DCDC1: variants seen among roughly 807,000 people sequenced by gnomAD.
DCDC1 encodes doublecortin domain-containing protein 1.
Under a neutral mutation model 178.3 loss-of-function variants are expected in DCDC1, and 200 were observed. That is an observed-to-expected ratio of 1.12 (90% CI 1.00 to 1.26). DCDC1 has a LOEUF of 1.26. DCDC1 is among the 50% of genes most tolerant of loss of function. DCDC1 has a pLI of 0.00. For synonymous variants in DCDC1, 690 were observed against 604.8 expected (o/e 1.14, Z -2.07); for missense variants, 1,983 against 1,749.2 (o/e 1.13, Z -2.38).
At chr11:31,333,617 T>C (rs1454875319) in intron 2 of DCDC1, among the ~76,000 whole-genome samples, 2 of 152,206 alleles carry the variant, frequency 1.3e-5, no homozygotes, top group Non-Finnish European at 2.9e-5. Context: ...GTAAAGGATT[T>C]TATTCCTCCT....
chr11:31,338,982 A>T (rs529223453), intron 1 of DCDC1, among the ~76,000 whole-genome samples: 2 of 152,160 alleles, frequency 1.3e-5, no homozygotes, highest in African/African-American at 2.4e-5. Flanking sequence ...CCCATCCTCA[A>T]TGTAAACTTT....
chr11:31,359,888 C>G (rs1194524495), intron 1 of DCDC1, among the ~76,000 whole-genome samples: 1 of 152,182 alleles, frequency 6.6e-6, no homozygotes, highest in African/African-American at 2.4e-5. Context: ...TGCAACAGAT[C>G]TGAACTCAAC....
chr11:31,167,842 T>A (rs1271452805), intron 9 of DCDC1, among the ~76,000 whole-genome samples: 1 of 152,182 alleles, frequency 6.6e-6, no homozygotes, highest in African/African-American at 2.4e-5. Flanking sequence ...AGATTCTGAT[T>A]CAACTACTAT....
intron 29 of DCDC1, among the ~76,000 whole-genome samples, chr11:30,907,835 T>C (rs530503098): frequency 2.7e-4 from 41 of 152,286 alleles, no homozygotes; most frequent in Middle Eastern, 3.4e-3. Context: ...GGGTTTTTTA[T>C]TTAAGCCACT....
At chr11:30,927,919 T>G (rs962234143) in intron 22 of DCDC1, among the ~76,000 whole-genome samples, 2 of 149,884 alleles carry the variant, frequency 1.3e-5, no homozygotes, top group African/African-American at 4.9e-5. Context: ...ATCTAATTCT[T>G]GATTTGGTAA....
intron 6 of DCDC1, among the ~76,000 whole-genome samples, chr11:31,297,065 G>A (rs1947740556): frequency 6.6e-6 from 1 of 152,168 alleles, no homozygotes; most frequent in Admixed American, 6.5e-5. Flanking sequence ...AAGAAATGTG[G>A]TTCGAGGGCT....
rs74350352 is a variant in DCDC1 at position 31,161,708 on chromosome 11, G to C, written c.1222-23924C>G. 4.2e-3 allele frequency among the ~76,000 whole-genome samples: 642 copies of C among 152,248 alleles called. 2 individuals are homozygous for C. The highest frequency in any genetic ancestry group is 0.015 in the African/African-American group (620 of 41,548). On this transcript the variant is annotated intron_variant, in intron 9 of 38. Transcript: ENST00000684477. ...GGATTGCTTCTTTGACTAAAAAGTG[G>C]TCTTTCTTTTCAGAAGTCATATACA...
intron 1 of DCDC1, among the ~76,000 whole-genome samples, chr11:31,358,476 A>G (rs1951519797): frequency 6.6e-6 from 1 of 151,656 alleles, no homozygotes; most frequent in South Asian, 2.1e-4. Flanking sequence ...ACCTAAAACC[A>G]TAAAAACCCT....
chr11:31,193,337 A>C (rs1970339830), intron 9 of DCDC1, among the ~76,000 whole-genome samples: 1 of 152,018 alleles, frequency 6.6e-6, no homozygotes, highest in African/African-American at 2.4e-5. Flanking sequence ...AAGTATCCCT[A>C]ATCTGAAAAT....
chr11:31,207,826 G>A (rs896618815), intron 9 of DCDC1, among the ~76,000 whole-genome samples: 4 of 151,964 alleles, frequency 2.6e-5, no homozygotes, highest in African/African-American at 4.8e-5. Context: ...TCACCACACC[G>A]TCCAAAGTGT....
rs4067986 is a variant in DCDC1 at position 31,022,643 on chromosome 11, T to TTGTGTGTGTGTGTGTG, written c.2591+41810_2591+41825dup. On this transcript the variant is annotated intron_variant, in intron 20 of 38. Transcript: ENST00000684477. ...TCTTGTTTATCTAGTGTCTTTTAGTTTGTGTGTGTGTGTGTGTGTGTGTGT... is the reference window on the plus strand; with the variant it reads ...TCTTGTTTATCTAGTGTCTTTTAGTTTGTGTGTGTGTGTGTGTGTGTGTGTGTGTGTGTGTGTGTGT... Among the ~76,000 whole-genome samples, 74 of 121,046 alleles carry TTGTGTGTGTGTGTGTG rather than the reference T, an allele frequency of 6.1e-4. 2 individuals carry two copies. Among genetic ancestry groups the TTGTGTGTGTGTGTGTG allele is most frequent in the African/African-American group, 1.1e-3 (33 of 30,438 alleles). The allele number at this position is 121,046 out of a possible 152,430, so 79.4% of individuals were successfully genotyped here. A position where few individuals can be genotyped will look rare whatever the true frequency, so the allele number is the denominator to read the frequency against.
At chr11:31,165,452 C>A (rs1009878144) in intron 9 of DCDC1, among the ~76,000 whole-genome samples, 1 of 152,000 alleles carries the variant, frequency 6.6e-6, no homozygotes, top group Non-Finnish European at 1.5e-5. Flanking sequence ...GTTGGGAATA[C>A]AGGGACACAT....
At position 31,127,533 on chromosome 11, in the gene DCDC1, T is replaced by C. The variant is rs368558006; in HGVS notation, c.1421A>G (p.Tyr474Cys). Residue 474 changes from tyrosine (Y) to cysteine (C), a missense_variant, in exon 11 of 39, where the codon TAT becomes TGT. Coordinates refer to ENST00000684477, the MANE Select transcript of DCDC1 (RefSeq NM_001387274.1). ...LQAEQEQFSSYVYQHIKSLPA... is the reference protein window; with the variant it reads ...LQAEQEQFSSCVYQHIKSLPA... Reference sequence around the variant, plus strand: ...AAGGCTTTTAATGTGTTGGTAGACATAAGAGGAGAATTGCTCCTGCTCAGC... The same window carrying C: ...AAGGCTTTTAATGTGTTGGTAGACACAAGAGGAGAATTGCTCCTGCTCAGC... 4.1e-4 allele frequency: 291 copies of C among 702,700 alleles called. 2 individuals carry two copies. The South Asian group carries it at 4.2e-3, about 10-fold the overall frequency. The allele number at this position is 702,700 out of a possible 1,614,324, so 43.5% of individuals were successfully genotyped here. A position where few individuals can be genotyped will look rare whatever the true frequency, so the allele number is the denominator to read the frequency against.
intron 20 of DCDC1, among the ~76,000 whole-genome samples, chr11:30,998,111 T>C (rs1951370611): frequency 1.3e-5 from 2 of 151,828 alleles, no homozygotes; most frequent in African/African-American, 4.8e-5. Context: ...CTGGGCAACA[T>C]AGTGAGACCC....
At chr11:30,998,703 C>G (rs1232800852) in intron 20 of DCDC1, among the ~76,000 whole-genome samples, 1 of 152,046 alleles carries the variant, frequency 6.6e-6, no homozygotes, top group Admixed American at 6.6e-5. Context: ...ATGGTATCTC[C>G]CCTCAAATAT....
intron 2 of DCDC1, among the ~76,000 whole-genome samples, chr11:31,334,588 T>C (rs189800242): frequency 1.5e-3 from 223 of 152,330 alleles, no homozygotes; most frequent in African/African-American, 5.2e-3. Flanking sequence ...TTTTTGTTGA[T>C]GTTGATGCTA....
At chr11:31,253,291 T>C (rs1944181738) in intron 8 of DCDC1, among the ~76,000 whole-genome samples, 2 of 152,066 alleles carry the variant, frequency 1.3e-5, no homozygotes, top group South Asian at 4.1e-4. Flanking sequence ...TTTATTTGAA[T>C]ATTAATATTT....
At chr11:31,310,417 C>A (rs950964093) in intron 3 of DCDC1, among the ~76,000 whole-genome samples, 1 of 137,210 alleles carries the variant, frequency 7.3e-6, no homozygotes, top group African/African-American at 2.7e-5. Context: ...CTCCCAGGTT[C>A]AAGCGATTCT....
rs772401058 is a variant in DCDC1 at position 31,307,764 on chromosome 11, T to C, written c.309A>G (p.Ala103=). 2.5e-6 allele frequency: 4 copies of C among 1,614,166 alleles called. No homozygotes were observed. The highest frequency in any genetic ancestry group is 3.4e-6 in the Non-Finnish European group (4 of 1,180,014). The change falls in exon 4 of 39, where the codon GCA becomes GCG. Residue 103 remains alanine, a synonymous_variant. Transcript: ENST00000684477. ...GLQDCSTHQT[A]SDHSHDEISD... is the part of the protein sequence containing the mutation. ...ATATTTCATCATGGCTGTGATCTGATGCTGTTTGATGTGTGGAGCAATCTT... is the reference window on the plus strand; with the variant it reads ...ATATTTCATCATGGCTGTGATCTGACGCTGTTTGATGTGTGGAGCAATCTT...
Sources: gnomAD v4.1 joint callset for allele counts (sites outside exome capture counted in the v4.1 genomes callset) on GRCh38, gnomAD v4.1.1 for gene constraint, MANE v1.5 for transcripts, NCBI Gene and HGNC (gene_info 2026-07-23, HGNC 2026-07-21) for gene names.